Variants in STK24 observed in about 807,000 individuals in gnomAD.
The protein encoded by STK24 is serine/threonine-protein kinase 24.
In STK24, 21 loss-of-function variants were observed where a neutral mutation model predicts 55.6. That is an observed-to-expected ratio of 0.38 (90% CI 0.27 to 0.54). The LOEUF (loss-of-function observed/expected upper bound fraction) is 0.54. Ranked by LOEUF, STK24 falls within the 20% of genes least tolerant of loss-of-function variation. The probability of loss-of-function intolerance (pLI) is 0.79; values close to 1 mark genes in which losing one functional copy is unlikely to be tolerated. For missense variants in STK24, 383 were observed against 538.4 expected (o/e 0.71, Z 2.86); for synonymous variants, 200 against 215.2 (o/e 0.93, Z 0.62).
chr13:98,541,351 G>A (rs184519155), intron 1 of STK24, among the ~76,000 whole-genome samples: 226 of 152,244 alleles, frequency 1.5e-3, no homozygotes, highest in Non-Finnish European at 2.5e-3. Context: ...TCTGGGAACA[G>A]CTTCAAGCTG....
intron 1 of STK24, among the ~76,000 whole-genome samples, chr13:98,541,223 G>T (rs1314737980): frequency 6.6e-6 from 1 of 152,174 alleles, no homozygotes; most frequent in Non-Finnish European, 1.5e-5. Flanking sequence ...TTGGTCCGGG[G>T]ATAATTTCCA....
intron 1 of STK24, among the ~76,000 whole-genome samples, chr13:98,536,884 G>C (rs1158312856): frequency 9.4e-6 from 1 of 106,288 alleles, no homozygotes; most frequent in Non-Finnish European, 2.1e-5. Flanking sequence ...TCCTCCAGCC[G>C]CCCAGCCACA....
chr13:98,510,296 G>A (rs1403456449), intron 2 of STK24, among the ~76,000 whole-genome samples: 4 of 152,180 alleles, frequency 2.6e-5, no homozygotes, highest in Non-Finnish European at 4.4e-5. Flanking sequence ...CCTGTGAAAG[G>A]CACACGGTCA....
At chr13:98,517,872 GT>G (rs574785580) in intron 2 of STK24, among the ~76,000 whole-genome samples, 106 of 152,268 alleles carry the variant, frequency 7.0e-4, no homozygotes, top group African/African-American at 2.5e-3. Flanking sequence ...AAGAGATGAG[GT>G]ATGAATAAAT....
In STK24 at chr13:98,482,320, T is replaced by C; in HGVS notation, c.275A>G (p.Asp92Gly). 3 of 1,552,978 alleles carry C rather than the reference T, an allele frequency of 1.9e-6. No homozygotes were observed. The highest frequency in any genetic ancestry group is 2.6e-6 in the Non-Finnish European group (3 of 1,138,110). The change falls in exon 3 of 11, where the codon GAT becomes GGT. Residue 92 changes from aspartate to glycine, a missense_variant and splice_region_variant. Asp to Gly is a moderately conservative substitution (Grantham distance 94, BLOSUM62 -1). Transcript: ENST00000539966. ...VTKYYGSYLK[D>G]TKLWIIMEYL... is the part of the protein sequence containing the mutation. ...TTCCATTATTATCCATAATTTTGTATCCTATAAAACAAAAAAAAGAAGAGA... is the reference window on the plus strand; with the variant it reads ...TTCCATTATTATCCATAATTTTGTACCCTATAAAACAAAAAAAAGAAGAGA...
At chr13:98,515,773 C>A (rs1896036312) in intron 2 of STK24, among the ~76,000 whole-genome samples, 1 of 152,170 alleles carries the variant, frequency 6.6e-6, no homozygotes, top group Non-Finnish European at 1.5e-5. Flanking sequence ...ATGCTAGCTA[C>A]CCCAACAATG....
At chr13:98,556,072 C>T (rs747283556) in intron 1 of STK24, among the ~76,000 whole-genome samples, 24 of 152,130 alleles carry the variant, frequency 1.6e-4, no homozygotes, top group Non-Finnish European at 2.9e-4. Flanking sequence ...ATAAGAAATT[C>T]GGTCCCATAC....
chr13:98,481,637 T>C (rs1894584307), intron 3 of STK24, among the ~76,000 whole-genome samples: 1 of 152,154 alleles, frequency 6.6e-6, no homozygotes, highest in African/African-American at 2.4e-5. Context: ...AGAACCTGTT[T>C]CAGAAAATAA....
At chr13:98,566,888 C>T (rs914361361) in intron 1 of STK24, among the ~76,000 whole-genome samples, 2 of 152,296 alleles carry the variant, frequency 1.3e-5, no homozygotes, top group Admixed American at 1.3e-4. Context: ...TCAAGCAATA[C>T]CTTTCTTCAT....
intron 1 of STK24, among the ~76,000 whole-genome samples, chr13:98,523,259 G>A (rs372392003): frequency 5.1e-4 from 77 of 152,250 alleles, no homozygotes; most frequent in Non-Finnish European, 8.8e-4. Flanking sequence ...AAACTGTCCC[G>A]CTCCCATACT....
At position 98,450,973 on chromosome 13, in the gene STK24, TA is replaced by T. The variant is rs1446198426; in HGVS notation, c.*2199del. 1 of 152,244 alleles carries T rather than the reference TA, an allele frequency of 6.6e-6. No homozygotes were observed. The highest frequency in any genetic ancestry group is 1.5e-5 in the Non-Finnish European group (1 of 68,092). The allele number at this position is 152,244 out of a possible 1,614,324, so 9.4% of individuals were successfully genotyped here. Reference sequence around the variant, plus strand: ...GACAGGAAATGCTGCCAGTCAACTCTAAAAGAACCACTTGTTGCTCTACGGG... The same window carrying T: ...GACAGGAAATGCTGCCAGTCAACTCTAAAGAACCACTTGTTGCTCTACGGG... On this transcript the variant is annotated 3_prime_UTR_variant, in exon 11 of 11. Coordinates refer to ENST00000539966, the MANE Select transcript of STK24 (RefSeq NM_001032296.4).
intron 1 of STK24, among the ~76,000 whole-genome samples, chr13:98,526,955 T>C (rs778532205): frequency 1.2e-4 from 18 of 152,300 alleles, no homozygotes; most frequent in Admixed American, 2.0e-4. Context: ...ACCGACCCCA[T>C]GTGAGGATAA....
chr13:98,477,718 C>G (rs535436628), intron 3 of STK24, among the ~76,000 whole-genome samples: 73 of 152,032 alleles, frequency 4.8e-4, no homozygotes, highest in African/African-American at 1.7e-3. Context: ...GTCCCATCTC[C>G]CATCTCCTCC....
At chr13:98,516,185 A>C (rs1200447318) in intron 2 of STK24, among the ~76,000 whole-genome samples, 2 of 152,216 alleles carry the variant, frequency 1.3e-5, no homozygotes, top group African/African-American at 4.8e-5. Context: ...ATAATAGTTA[A>C]TTATTGTTTT....
At chr13:98,497,878 G>C (rs1357730822) in intron 2 of STK24, among the ~76,000 whole-genome samples, 1 of 152,146 alleles carries the variant, frequency 6.6e-6, no homozygotes, top group Non-Finnish European at 1.5e-5. Flanking sequence ...CTCTCTAAAG[G>C]AATCTACCCT....
At chr13:98,521,032 GCAGGA>G (rs1239881926) in intron 1 of STK24, among the ~76,000 whole-genome samples, 4 of 152,238 alleles carry the variant, frequency 2.6e-5, no homozygotes, top group Non-Finnish European at 5.9e-5. Flanking sequence ...TACCAAGAGA[GCAGGA>G]CAGGCCAGAG....
At chr13:98,489,498 C>G (rs1894937443) in intron 2 of STK24, among the ~76,000 whole-genome samples, 1 of 152,340 alleles carries the variant, frequency 6.6e-6, no homozygotes, top group Non-Finnish European at 1.5e-5. Context: ...AGGGGGAACG[C>G]AGAGTGAGTA....
chr13:98,453,336 A>G lies in STK24; in HGVS notation c.1260-127T>C, dbSNP rs1594563715. 2.2e-5 allele frequency: 20 copies of G among 906,480 alleles called. No individual in the cohort carries two copies. In the East Asian group the frequency reaches 4.5e-4, roughly 20 times the overall value. The allele number at this position is 906,480 out of a possible 1,614,324, so 56.2% of individuals were successfully genotyped here. A position where few individuals can be genotyped will look rare whatever the true frequency, so the allele number is the denominator to read the frequency against. On this transcript the variant is annotated intron_variant, in intron 10 of 10. Coordinates refer to ENST00000539966, the MANE Select transcript of STK24 (RefSeq NM_001032296.4). ...AGTCATACAAAAATAAGTGGAGCAA[A>G]TATCAATGTGTAAGTCTAATTTTAA...
intron 2 of STK24, among the ~76,000 whole-genome samples, chr13:98,488,694 A>G (rs554853202): frequency 6.6e-6 from 1 of 152,182 alleles, no homozygotes; most frequent in Non-Finnish European, 1.5e-5. Context: ...AACTTGCCCC[A>G]AAGTATTTGG....
Sources: allele counts gnomAD v4.1 joint callset (sites outside exome capture counted in the v4.1 genomes callset), GRCh38; gene constraint gnomAD v4.1.1; transcripts MANE v1.5; gene names NCBI Gene and HGNC (gene_info 2026-07-23, HGNC 2026-07-21).